The following EPS15L1 variants were observed in gnomAD, a reference collection of about 807,000 sequenced individuals.
EPS15L1 encodes epidermal growth factor receptor substrate 15-like 1.
In EPS15L1, 43 loss-of-function variants were observed where a neutral mutation model predicts 117.1. That is an observed-to-expected ratio of 0.37 (90% CI 0.29 to 0.47). The LOEUF (loss-of-function observed/expected upper bound fraction) is 0.47. Among genes scored for constraint, EPS15L1 ranks in the 20% least tolerant of loss-of-function variants. The pLI, the probability that EPS15L1 is intolerant of heterozygous loss-of-function variation, is 0.99. For missense variants in EPS15L1, 981 were observed against 1,164.0 expected (o/e 0.84, Z 2.29); for synonymous variants, 459 against 470.5 (o/e 0.98, Z 0.32).
In EPS15L1 at chr19:16,471,966, C is replaced by T. The variant is rs1158769154; in HGVS notation, c.-21G>A. 2.3e-6 allele frequency: 3 copies of T among 1,280,908 alleles called. No homozygotes were observed. Among genetic ancestry groups the T allele is most frequent in the Middle Eastern group, 3.0e-4 (1 of 3,322 alleles). 79.3% of individuals were successfully genotyped at this position (1,280,908 alleles called of 1,614,324 possible). A position where few individuals can be genotyped will look rare whatever the true frequency, so the allele number is the denominator to read the frequency against. On this transcript the variant is annotated 5_prime_UTR_variant, in exon 1 of 24. Transcript: ENST00000455140. The surrounding 1 kb of genome is among the most constrained non-coding windows in gnomAD (Gnocchi z 4.8). ...GCCATCTTCCCGCGGACTCGGGCTC[C>T]GAGCGCCGGGGGAACGGGGGCGGGG...
At chr19:16,439,942 T>C (rs1034190892) in intron 4 of EPS15L1, among the ~76,000 whole-genome samples, 21 of 147,914 alleles carry the variant, frequency 1.4e-4, no homozygotes, top group South Asian at 4.2e-4. Flanking sequence ...TTTTTTTTTT[T>C]CAGATGGGGT....
At chr19:16,375,914 C>T (rs2092289286) in intron 22 of EPS15L1, among the ~76,000 whole-genome samples, 1 of 152,222 alleles carries the variant, frequency 6.6e-6, no homozygotes, top group African/African-American at 2.4e-5. Flanking sequence ...CCTCTACTGA[C>T]AGGTGGCCGA....
chr19:16,394,336 G>A (rs2092516603), intron 17 of EPS15L1, among the ~76,000 whole-genome samples: 1 of 135,310 alleles, frequency 7.4e-6, no homozygotes, highest in African/African-American at 2.7e-5. Context: ...TATCCCATCT[G>A]CCTGCCAGCT....
intron 13 of EPS15L1, among the ~76,000 whole-genome samples, chr19:16,407,309 AT>A (rs200766134): frequency 1.3e-5 from 2 of 150,118 alleles, no homozygotes; most frequent in African/African-American, 4.9e-5. Flanking sequence ...ACTCCCCAGC[AT>A]TTTTTTTTCT....
chr19:16,376,994 A>T (rs2092304472), intron 22 of EPS15L1, 128 bp downstream of exon 22: 1 of 1,215,390 alleles, frequency 8.2e-7, no homozygotes, highest in Non-Finnish European at 1.1e-6. Flanking sequence ...GGCCGGGGGG[A>T]CCCTCTTGCT....
chr19:16,470,831 T>C (rs757896514), intron 1 of EPS15L1, among the ~76,000 whole-genome samples: 11 of 152,176 alleles, frequency 7.2e-5, no homozygotes, highest in Non-Finnish European at 1.6e-4. Flanking sequence ...ACAGTAATTA[T>C]AGGATCACTG....
intron 1 of EPS15L1, among the ~76,000 whole-genome samples, chr19:16,459,181 G>A (rs2093224994): frequency 6.6e-6 from 1 of 152,216 alleles, no homozygotes; most frequent in Non-Finnish European, 1.5e-5. Flanking sequence ...TCATGGTTAT[G>A]CGGTGCGTGA....
At chr19:16,436,887 C>A in intron 6 of EPS15L1, 50 bp downstream of exon 6, 1 of 1,412,384 alleles carries the variant, frequency 7.1e-7, no homozygotes, top group Non-Finnish European at 1.0e-6. Context: ...ACTGCTGGAA[C>A]AATTCTATCT....
chr19:16,421,461 C>G lies in EPS15L1; in HGVS notation c.808G>C (p.Val270Leu). The change falls in exon 10 of 24, where the codon GTG becomes CTG. Residue 270 changes from valine (V) to leucine (L), a missense_variant. Around this residue, in one of 5 missense-constraint regions of EPS15L1, gnomAD observed 819 missense variants for 949.0 expected, o/e 0.86. Coordinates refer to ENST00000455140, the MANE Select transcript of EPS15L1 (RefSeq NM_001258374.3). ...CGCATCTTGTCTGCCACGGGCACCA[C>G]CCAGTTCACTGTTGGCTGAAACAGT... ...LKQTQPTVNW[V>L]VPVADKMRFD... 6.2e-7 allele frequency: 1 copy of G among 1,612,866 alleles called. No individual in the cohort carries two copies. The highest frequency in any genetic ancestry group is 8.5e-7 in the Non-Finnish European group (1 of 1,178,888).
chr19:16,437,087 AGTGCTTTC>A (rs1207267694), intron 5 of EPS15L1, 88 bp from the exon 6 acceptor site: 9 of 1,173,234 alleles, frequency 7.7e-6, no homozygotes, highest in South Asian at 5.2e-5. Flanking sequence ...CACGTTTCAA[AGTGCTTTC>A]AAAAAAGGGA....
At chr19:16,392,759 ATAATAAT>A (rs1459845230) in intron 18 of EPS15L1, among the ~76,000 whole-genome samples, 1 of 152,226 alleles carries the variant, frequency 6.6e-6, no homozygotes, top group Non-Finnish European at 1.5e-5. Context: ...GACTTTAAAA[ATAATAAT>A]ATCCTGGCCA....
At position 16,398,739 on chromosome 19, in the gene EPS15L1, C is replaced by T. The variant is rs193193265; in HGVS notation, c.1792-3272G>A. ...CAGGTGCAATCCCACTACTGAGCAG[C>T]GTGGGAGTTTTGACCTGCTCCGCTT... On this transcript the variant is annotated intron_variant, in intron 16 of 23. Coordinates refer to ENST00000455140, the MANE Select transcript of EPS15L1 (RefSeq NM_001258374.3). 2.6e-5 allele frequency among the ~76,000 whole-genome samples: 4 copies of T among 152,282 alleles called. No individual in the cohort carries two copies. The East Asian group carries it at 5.8e-4, about 22-fold the overall frequency.
intron 22 of EPS15L1, among the ~76,000 whole-genome samples, chr19:16,367,345 A>G (rs2092147594): frequency 6.6e-6 from 1 of 151,958 alleles, no homozygotes; most frequent in Admixed American, 6.6e-5. Flanking sequence ...AACAGGGGGC[A>G]AGGGATACAA....
chr19:16,382,722 A>C (rs1422826906), intron 21 of EPS15L1, among the ~76,000 whole-genome samples: 1 of 152,050 alleles, frequency 6.6e-6, no homozygotes, highest in Non-Finnish European at 1.5e-5. Flanking sequence ...TCTGTTTTTA[A>C]AGTGAGCTTA....
In EPS15L1 at chr19:16,420,822, G is replaced by A. The variant is rs538211358; in HGVS notation, c.950+497C>T. On this transcript the variant is annotated intron_variant, in intron 10 of 23. Transcript: ENST00000455140. Reference sequence around the variant, plus strand: ...AAAGAGGGGTTGAGGCCGACTCCTCGACTGGGCTCTGAGGCACTGACAGGG... The same window carrying A: ...AAAGAGGGGTTGAGGCCGACTCCTCAACTGGGCTCTGAGGCACTGACAGGG... Among the ~76,000 whole-genome samples, 3 of 152,290 alleles carry A rather than the reference G, an allele frequency of 2.0e-5. No homozygotes were observed. In the East Asian group the frequency reaches 5.8e-4, roughly 29 times the overall value.
At chr19:16,356,271 C>T (rs1190385957) in intron 23 of EPS15L1, 1 of 193,636 alleles carries the variant, frequency 5.2e-6, no homozygotes, top group Non-Finnish European at 1.1e-5. Context: ...CAGCCATGCT[C>T]CAGAGAGCTC....
At chr19:16,409,149 T>C (rs1308125503) in intron 13 of EPS15L1, among the ~76,000 whole-genome samples, 1 of 152,174 alleles carries the variant, frequency 6.6e-6, no homozygotes, top group East Asian at 1.9e-4. Context: ...GAGGATCCCT[T>C]GAGCCCAGGA....
At chr19:16,399,572 G>A (rs562829820) in intron 16 of EPS15L1, among the ~76,000 whole-genome samples, 7 of 152,242 alleles carry the variant, frequency 4.6e-5, no homozygotes, top group African/African-American at 1.7e-4. Flanking sequence ...TCAGAAAAAA[G>A]CCCTGGTTTA....
intron 6 of EPS15L1, 196 bp from the exon 7 acceptor site, chr19:16,434,686 T>G: frequency 2.6e-5 from 13 of 507,676 alleles, no homozygotes; most frequent in Admixed American, 3.8e-5. Flanking sequence ...AATAACGTTA[T>G]GGCAACCTCG....
Sources: allele counts gnomAD v4.1 joint callset (sites outside exome capture counted in the v4.1 genomes callset), GRCh38; gene constraint gnomAD v4.1.1; regional missense constraint gnomAD v4.1.1; non-coding constraint Gnocchi (gnomAD v3.1); transcripts MANE v1.5; gene names NCBI Gene and HGNC (gene_info 2026-07-23, HGNC 2026-07-21).